The following AGBL1 variants were observed in gnomAD, a reference collection of about 807,000 sequenced individuals.
AGBL1 encodes cytosolic carboxypeptidase 4.
AGBL1 carries 130 observed loss-of-function variants against 118.9 expected under a neutral mutation model. The ratio of observed to expected loss-of-function variants is 1.09; its 90% CI spans 0.95 to 1.26. The LOEUF (loss-of-function observed/expected upper bound fraction) is 1.26, where lower values mean the gene tolerates loss of function less well. AGBL1 is among the 50% of genes most tolerant of loss of function. The pLI, the probability that AGBL1 is intolerant of heterozygous loss-of-function variation, is 0.00. For missense variants in AGBL1, 1,584 were observed against 1,298.1 expected (o/e 1.22, Z -3.38); for synonymous variants, 555 against 478.9 (o/e 1.16, Z -2.08).
At chr15:86,984,253 T>A (rs549315151) in intron 23 of AGBL1, among the ~76,000 whole-genome samples, 2 of 152,320 alleles carry the variant, frequency 1.3e-5, no homozygotes, top group Admixed American at 1.3e-4. Flanking sequence ...CTAATGATGT[T>A]GAATATCTTT....
chr15:86,369,957 A>G (rs2080947822), intron 17 of AGBL1, among the ~76,000 whole-genome samples: 1 of 152,228 alleles, frequency 6.6e-6, no homozygotes, highest in Admixed American at 6.5e-5. Flanking sequence ...TGGATTTACA[A>G]AATCTAACCA....
At chr15:86,694,221 C>T (rs1327136463) in intron 22 of AGBL1, among the ~76,000 whole-genome samples, 1 of 152,104 alleles carries the variant, frequency 6.6e-6, no homozygotes, top group Non-Finnish European at 1.5e-5. Flanking sequence ...TTTTACCCCT[C>T]CAGGAGCATG....
At chr15:86,871,201 G>A (rs897124631) in intron 22 of AGBL1, among the ~76,000 whole-genome samples, 1 of 152,150 alleles carries the variant, frequency 6.6e-6, no homozygotes, top group African/African-American at 2.4e-5. Context: ...GGAACAGAAA[G>A]GAAATTGTCT....
At chr15:86,168,090 T>G (rs2077366520) in intron 5 of AGBL1, among the ~76,000 whole-genome samples, 1 of 152,226 alleles carries the variant, frequency 6.6e-6, no homozygotes, top group Admixed American at 6.5e-5. Context: ...ATTGATTCAT[T>G]CAGCAGTATT....
At chr15:86,402,012 T>C (rs1203455417) in intron 18 of AGBL1, among the ~76,000 whole-genome samples, 1 of 152,022 alleles carries the variant, frequency 6.6e-6, no homozygotes, top group African/African-American at 2.4e-5. Flanking sequence ...TAATGGGAAT[T>C]ACATTGAGTC....
chr15:86,238,315 A>G (rs1026739811), intron 6 of AGBL1, among the ~76,000 whole-genome samples: 2 of 152,190 alleles, frequency 1.3e-5, no homozygotes, highest in South Asian at 2.1e-4. Flanking sequence ...AGTGCCTGGA[A>G]CAACTGGTAT....
At chr15:86,131,971 C>A (rs544977670) in intron 1 of AGBL1, among the ~76,000 whole-genome samples, 1 of 149,558 alleles carries the variant, frequency 6.7e-6, no homozygotes, top group African/African-American at 2.4e-5. Context: ...AAAATCATAA[C>A]GTTGTCTACA....
In AGBL1 at chr15:86,738,526, A is replaced by C. The variant is rs201474462; in HGVS notation, c.3158+64090A>C. Among the ~76,000 whole-genome samples, 22 of 152,356 alleles carry C rather than the reference A, an allele frequency of 1.4e-4. No homozygotes were observed. The East Asian group carries it at 4.2e-3, about 29-fold the overall frequency. ...CTTAGAAATGGTAAACAAATTCAGTAAACTGGCAAAATACAGATTTACATA... is the reference window on the plus strand; with the variant it reads ...CTTAGAAATGGTAAACAAATTCAGTCAACTGGCAAAATACAGATTTACATA... On this transcript the variant is annotated intron_variant, in intron 22 of 22. Coordinates refer to ENST00000614907, the MANE Select transcript of AGBL1 (RefSeq NM_001386094.1).
chr15:86,168,180 T>TA (rs1458566462), intron 5 of AGBL1, among the ~76,000 whole-genome samples: 2 of 152,160 alleles, frequency 1.3e-5, no homozygotes, highest in Non-Finnish European at 2.9e-5. Flanking sequence ...ATTGTATTGA[T>TA]ACATGCACAC....
chr15:86,476,207 C>G (rs11073635), intron 18 of AGBL1, among the ~76,000 whole-genome samples: 105,726 of 152,046 alleles, frequency 0.7, 38,244 homozygotes, highest in African/African-American at 0.86. Context: ...ATCATAATGA[C>G]AGGATCAAAT....
At chr15:86,728,014 T>C (rs2142740885) in intron 22 of AGBL1, among the ~76,000 whole-genome samples, 1 of 152,342 alleles carries the variant, frequency 6.6e-6, no homozygotes, top group Middle Eastern at 3.4e-3. Context: ...ATGCAAATGA[T>C]ATACAGGGAA....
intron 18 of AGBL1, among the ~76,000 whole-genome samples, chr15:86,509,260 A>G (rs2142174581): frequency 6.6e-6 from 1 of 152,192 alleles, no homozygotes; most frequent in East Asian, 1.9e-4. Flanking sequence ...AGTTTCCTGA[A>G]AGACAGGTAG....
At chr15:86,410,932 A>G (rs1161647001) in intron 18 of AGBL1, among the ~76,000 whole-genome samples, 1 of 122,782 alleles carries the variant, frequency 8.1e-6, no homozygotes, top group Non-Finnish European at 1.6e-5. Flanking sequence ...AATATATATA[A>G]CATATATTAT....
At chr15:86,820,601 T>G (rs1023335640) in intron 22 of AGBL1, among the ~76,000 whole-genome samples, 1 of 152,076 alleles carries the variant, frequency 6.6e-6, no homozygotes, top group Non-Finnish European at 1.5e-5. Flanking sequence ...ATGTGGACAT[T>G]AGAGAAATGT....
intron 23 of AGBL1, among the ~76,000 whole-genome samples, chr15:86,967,646 T>C (rs1295747793): frequency 6.6e-6 from 1 of 151,972 alleles, no homozygotes; most frequent in Non-Finnish European, 1.5e-5. Context: ...AGATGTGTGG[T>C]ATTATTTCTG....
intron 19 of AGBL1, among the ~76,000 whole-genome samples, chr15:86,538,268 G>C (rs1037620548): frequency 6.6e-6 from 1 of 152,160 alleles, no homozygotes; most frequent in African/African-American, 2.4e-5. Flanking sequence ...TGAGTCTCTC[G>C]CTTTGGGAAA....
intron 22 of AGBL1, among the ~76,000 whole-genome samples, chr15:86,702,119 A>G (rs1227732210): frequency 6.6e-6 from 1 of 152,106 alleles, no homozygotes; most frequent in Non-Finnish European, 1.5e-5. Flanking sequence ...CATAGCTCAT[A>G]TTAAACAAAT....
At chr15:86,308,958 A>G (rs1036473252) in intron 17 of AGBL1, among the ~76,000 whole-genome samples, 1 of 152,182 alleles carries the variant, frequency 6.6e-6, no homozygotes, top group African/African-American at 2.4e-5. Context: ...TATTTCTGTG[A>G]AAAGTATCAT....
At chr15:86,422,508 A>T (rs2081805420) in intron 18 of AGBL1, among the ~76,000 whole-genome samples, 1 of 152,222 alleles carries the variant, frequency 6.6e-6, no homozygotes, top group African/African-American at 2.4e-5. Flanking sequence ...AAGATCTAAA[A>T]TCGACAAGCT....
Sources: gnomAD v4.1 joint callset for allele counts (sites outside exome capture counted in the v4.1 genomes callset) on GRCh38, gnomAD v4.1.1 for gene constraint, MANE v1.5 for transcripts, NCBI Gene and HGNC (gene_info 2026-07-23, HGNC 2026-07-21) for gene names.